PRCP: variants seen among roughly 807,000 people sequenced by gnomAD.
PRCP encodes the protein prolylcarboxypeptidase.
PRCP carries 46 observed loss-of-function variants against 54.2 expected under a neutral mutation model. The ratio of observed to expected loss-of-function variants is 0.85; its 90% CI spans 0.67 to 1.09. PRCP has a LOEUF of 1.09. Among genes scored for constraint, PRCP ranks in the 50% least tolerant of loss-of-function variants. PRCP has a pLI of 0.00. For missense variants in PRCP, 613 were observed against 596.8 expected, an observed-to-expected ratio of 1.03 and a Z score of -0.28; for synonymous variants, 240 against 212.2, an observed-to-expected ratio of 1.13 and a Z score of -1.14.
chr11:82,900,532 C>T, upstream of PRCP: 1 of 1,296,244 alleles, frequency 7.7e-7, no homozygotes, highest in Non-Finnish European at 1.1e-6. Flanking sequence ...AAACCCAAAG[C>T]CAGCCAGCTC....
At chr11:82,898,837 T>G (rs189836246) in intron 1 of PRCP, among the ~76,000 whole-genome samples, 68 of 149,822 alleles carry the variant, frequency 4.5e-4, no homozygotes, top group African/African-American at 1.6e-3. Context: ...TGAACTCAAA[T>G]GTCTGGGTTA....
rs369884086 is a variant in PRCP at position 82,825,168 on chromosome 11, T to C, written c.1275-46A>G. The C allele has an allele frequency of 4.2e-4, 634 of 1,514,806 alleles. 15 individuals carry two copies. In the Middle Eastern group the frequency reaches 4.7e-3, roughly 11 times the overall value. 93.8% of individuals were successfully genotyped at this position (1,514,806 alleles called of 1,614,324 possible). On this transcript the variant is annotated intron_variant, in intron 8 of 8. Transcript: ENST00000313010. Reference sequence around the variant, plus strand: ...AAAAAATAAAGTTGTTAGTTTTTCATGTTAACACTCAGATAAGCTAGAAGA... The same window carrying C: ...AAAAAATAAAGTTGTTAGTTTTTCACGTTAACACTCAGATAAGCTAGAAGA...
At chr11:82,874,139 T>G (rs1315193260) in intron 1 of PRCP, among the ~76,000 whole-genome samples, 1 of 152,204 alleles carries the variant, frequency 6.6e-6, no homozygotes, top group Admixed American at 6.5e-5. Flanking sequence ...AACAACAAGT[T>G]CAAATGTAAC....
rs142034721 is a variant in PRCP at position 82,841,263 on chromosome 11, CG to C, written c.922-1839del. Among the ~76,000 whole-genome samples, 661 of 110,414 alleles carry C rather than the reference CG, an allele frequency of 6.0e-3. 7 individuals are homozygous for C. Among genetic ancestry groups the C allele is most frequent in the Middle Eastern group, 0.015 (3 of 196 alleles). The allele number at this position is 110,414 out of a possible 152,430, so 72.4% of individuals were successfully genotyped here. The stretch of plus-strand genomic sequence containing the variant: ...AGTTCTGCCTGGCACCAGCTGCCAG[CG>C]GGGGAAAAAAAAAAAAAGGAAAACT... On this transcript the variant is annotated intron_variant, in intron 6 of 8. Coordinates refer to ENST00000313010, the MANE Select transcript of PRCP (RefSeq NM_005040.4).
chr11:82,890,679 C>T (rs1177274687), intron 1 of PRCP, among the ~76,000 whole-genome samples: 1 of 152,214 alleles, frequency 6.6e-6, no homozygotes, highest in African/African-American at 2.4e-5. Flanking sequence ...TCAGCTTCTC[C>T]CATTCTCTCT....
At chr11:82,848,600 C>A (rs1319826206) in intron 6 of PRCP, among the ~76,000 whole-genome samples, 3 of 152,144 alleles carry the variant, frequency 2.0e-5, no homozygotes, top group Non-Finnish European at 2.9e-5. Context: ...GAGGGTAGCA[C>A]CTACAATGCT....
chr11:82,839,649 T>C (rs1399860185), intron 6 of PRCP: 4 of 523,512 alleles, frequency 7.6e-6, no homozygotes, highest in East Asian at 3.6e-5. Flanking sequence ...ATTTGCATGG[T>C]ATGCAAAGTC....
intron 1 of PRCP, among the ~76,000 whole-genome samples, chr11:82,896,848 T>C (rs1235094915): frequency 1.3e-5 from 2 of 152,002 alleles, no homozygotes; most frequent in Non-Finnish European, 2.9e-5. Flanking sequence ...GCCAATTCCT[T>C]AATAAAAATC....
At chr11:82,851,084 A>G (rs1023690558) in intron 3 of PRCP, among the ~76,000 whole-genome samples, 1 of 152,230 alleles carries the variant, frequency 6.6e-6, no homozygotes, top group Non-Finnish European at 1.5e-5. Flanking sequence ...TGAGAAAAGG[A>G]AAACTCATAA....
In PRCP at chr11:82,864,582, A is replaced by G. The variant is rs376910607; in HGVS notation, c.169-4465T>C. ...AAGGCAGAGGCAGAGCTAGAACTTT[A>G]TTTTTGCAGTTTGGTTTATTGAACC... On this transcript the variant is annotated intron_variant, in intron 1 of 8. Transcript: ENST00000313010. Among the ~76,000 whole-genome samples the G allele has an allele frequency of 2.6e-5, 4 of 152,310 alleles. No individual in the cohort carries two copies. In the East Asian group the frequency reaches 7.7e-4, roughly 29 times the overall value.
At chr11:82,833,336 T>A (rs1565216795) in intron 8 of PRCP, among the ~76,000 whole-genome samples, 1 of 152,156 alleles carries the variant, frequency 6.6e-6, no homozygotes, top group Non-Finnish European at 1.5e-5. Context: ...GAATATTTCT[T>A]GGAGAAGGTA....
intron 1 of PRCP, among the ~76,000 whole-genome samples, chr11:82,890,682 T>C (rs1479073757): frequency 6.6e-6 from 1 of 152,194 alleles, no homozygotes; most frequent in Non-Finnish European, 1.5e-5. Flanking sequence ...GCTTCTCCCA[T>C]TCTCTCTTGC....
chr11:82,866,296 T>A (rs930169130), intron 1 of PRCP, among the ~76,000 whole-genome samples: 4 of 152,154 alleles, frequency 2.6e-5, no homozygotes, highest in African/African-American at 7.2e-5. Flanking sequence ...GATACTGTCC[T>A]CCCTTCCCAC....
At chr11:82,839,666 A>C in intron 6 of PRCP, 1 of 462,270 alleles carries the variant, frequency 2.2e-6, no homozygotes, top group South Asian at 2.6e-5. Context: ...AGTCCTCTCC[A>C]TCTACCATCT....
intron 6 of PRCP, among the ~76,000 whole-genome samples, chr11:82,846,352 G>C (rs1428673266): frequency 6.6e-6 from 1 of 152,012 alleles, no homozygotes; most frequent in Non-Finnish European, 1.5e-5. Flanking sequence ...GTTTGGGAGG[G>C]AGACGTAGTG....
At chr11:82,842,077 A>G (rs1565220218) in intron 6 of PRCP, among the ~76,000 whole-genome samples, 1 of 152,192 alleles carries the variant, frequency 6.6e-6, no homozygotes, top group Non-Finnish European at 1.5e-5. Context: ...AGTGATGTGC[A>G]GCAACAAGTG....
chr11:82,887,621 C>A (rs552427435), intron 1 of PRCP, among the ~76,000 whole-genome samples: 8 of 152,318 alleles, frequency 5.3e-5, no homozygotes, highest in African/African-American at 1.9e-4. Context: ...AGCAAAGTCT[C>A]TTTCCCTCTT....
intron 1 of PRCP, among the ~76,000 whole-genome samples, chr11:82,882,489 C>G (rs1451673924): frequency 6.8e-6 from 1 of 148,046 alleles, no homozygotes; most frequent in East Asian, 1.9e-4. Context: ...GATACTGAGC[C>G]AGTTCTTTTT....
chr11:82,848,680 T>C (rs570379195), intron 6 of PRCP, among the ~76,000 whole-genome samples: 2 of 152,344 alleles, frequency 1.3e-5, no homozygotes, highest in Admixed American at 1.3e-4. Context: ...ATGTATTACA[T>C]AGATGGAAGT....
Sources: gnomAD v4.1 joint callset for allele counts (sites outside exome capture counted in the v4.1 genomes callset) on GRCh38, gnomAD v4.1.1 for gene constraint, MANE v1.5 for transcripts, NCBI Gene and HGNC (gene_info 2026-07-23, HGNC 2026-07-21) for gene names.